The following KANSL1 variants were observed in gnomAD, a reference collection of about 807,000 sequenced individuals.
KANSL1 encodes MLL1/MLL complex subunit KANSL1.
In KANSL1, 22 loss-of-function variants were observed where a neutral mutation model predicts 103.6. The ratio of observed to expected loss-of-function variants is 0.21; its 90% CI spans 0.15 to 0.30. The LOEUF (loss-of-function observed/expected upper bound fraction) is 0.30. Ranked by LOEUF, KANSL1 falls within the 10% of genes least tolerant of loss-of-function variation. KANSL1 has a pLI of 1.00. For synonymous variants in KANSL1, 600 were observed against 527.6 expected, an observed-to-expected ratio of 1.14 and a Z score of -1.88; for missense variants, 1,337 against 1,399.8, an observed-to-expected ratio of 0.96 and a Z score of 0.72.
intron 2 of KANSL1, among the ~76,000 whole-genome samples, chr17:46,107,617 T>A (rs910641765): frequency 6.6e-6 from 1 of 152,240 alleles, no homozygotes; most frequent in African/African-American, 2.4e-5. Context: ...CCCAAACTCA[T>A]GGCTTTAAGT....
intron 2 of KANSL1, among the ~76,000 whole-genome samples, chr17:46,165,906 A>G (rs1268432682): frequency 6.6e-6 from 1 of 152,180 alleles, no homozygotes; most frequent in East Asian, 1.9e-4. Context: ...ATAAACTCCA[A>G]GAGGATAAAA....
intron 1 of KANSL1, among the ~76,000 whole-genome samples, chr17:46,181,562 T>C (rs561889644): frequency 6.6e-6 from 1 of 152,308 alleles, no homozygotes; most frequent in East Asian, 1.9e-4. Context: ...CCCGAGCAGC[T>C]GGGATTACCG....
Position 46,082,460 on chromosome 17 carries a change from T to C in KANSL1, c.1514A>G (p.Asp505Gly). 2 of 1,609,916 alleles carry C rather than the reference T, an allele frequency of 1.2e-6. No homozygotes were observed. The highest frequency in any genetic ancestry group is 1.7e-6 in the Non-Finnish European group (2 of 1,176,336). ...ACTTACCAATTTATCAGTCCCATGA[T>C]CTGTCTTCACCTCAGAACTAAGTGG... ...FLPLSSEVKT[D>G]HGTDKLIESV... is the part of the protein sequence containing the mutation. The change falls in exon 4 of 15, where the codon GAT becomes GGT. Residue 505 changes from aspartate (D) to glycine (G), a missense_variant. By Grantham distance (94) the Asp-to-Gly change is moderately conservative (BLOSUM62 -1). This residue lies in a region of KANSL1 where 780 missense variants were observed against 923.4 expected (regional missense o/e 0.84). Coordinates refer to ENST00000432791, the MANE Select transcript of KANSL1 (RefSeq NM_015443.4).
intron 4 of KANSL1, among the ~76,000 whole-genome samples, chr17:46,070,280 T>G (rs1161938235): frequency 2.0e-5 from 3 of 152,178 alleles, no homozygotes; most frequent in Non-Finnish European, 4.4e-5. Flanking sequence ...TAAAGGATAT[T>G]TCTTCTCTTA....
chr17:46,177,510 C>T (rs1024542835), intron 1 of KANSL1, among the ~76,000 whole-genome samples: 3 of 152,112 alleles, frequency 2.0e-5, no homozygotes, highest in Admixed American at 6.5e-5. Flanking sequence ...CTGTGCAACC[C>T]TAAGTGTGGC....
intron 2 of KANSL1, among the ~76,000 whole-genome samples, chr17:46,164,110 ATC>A (rs1371373111): frequency 1.3e-5 from 2 of 152,186 alleles, no homozygotes; most frequent in Admixed American, 6.5e-5. Flanking sequence ...TAGCTTATTC[ATC>A]TGTTATCTCT....
intron 1 of KANSL1, among the ~76,000 whole-genome samples, chr17:46,178,290 T>C (rs1419023511): frequency 6.6e-6 from 1 of 152,222 alleles, no homozygotes; most frequent in Non-Finnish European, 1.5e-5. Context: ...CAACAGCCTA[T>C]CTGATAAATC....
chr17:46,146,485 A>C (rs2044706817), intron 2 of KANSL1, among the ~76,000 whole-genome samples: 1 of 152,202 alleles, frequency 6.6e-6, no homozygotes, highest in African/African-American at 2.4e-5. Flanking sequence ...TGCTCCTGCA[A>C]GGTAGGGCTA....
intron 9 of KANSL1, 167 bp downstream of exon 9, chr17:46,038,860 T>C (rs2077228112): frequency 9.0e-7 from 1 of 1,117,182 alleles, no homozygotes; most frequent in South Asian, 1.5e-5. Context: ...CAGAGGTTGC[T>C]GTAGCAGTTA....
intron 1 of KANSL1, among the ~76,000 whole-genome samples, chr17:46,214,620 C>A (rs1280062573): frequency 1.3e-5 from 2 of 152,188 alleles, no homozygotes; most frequent in African/African-American, 4.8e-5. Context: ...CGCCGTTGCG[C>A]TCCAGCCTGG....
intron 5 of KANSL1, 126 bp from the exon 6 acceptor site, chr17:46,066,858 CAAA>C (rs1481391582): frequency 1.5e-6 from 1 of 671,266 alleles, no homozygotes; most frequent in African/African-American, 1.8e-5. Context: ...TGTTCAGACA[CAAA>C]GAAGCATTCT....
At chr17:46,195,671 G>C (rs1352883968), upstream of KANSL1, among the ~76,000 whole-genome samples, 19 of 152,178 alleles carry the variant, frequency 1.2e-4, no homozygotes, top group Admixed American at 1.2e-3. Flanking sequence ...TCCTACCTCA[G>C]CCTCTTGAGT....
intron 3 of KANSL1, among the ~76,000 whole-genome samples, chr17:46,086,204 G>C (rs1318457047): frequency 6.6e-6 from 1 of 152,082 alleles, no homozygotes; most frequent in East Asian, 1.9e-4. Context: ...TTTCCAAAGG[G>C]AAGAATTTTT....
At chr17:46,203,988 C>G (rs2047886438) in intron 1 of KANSL1, among the ~76,000 whole-genome samples, 1 of 151,830 alleles carries the variant, frequency 6.6e-6, no homozygotes, top group Non-Finnish European at 1.5e-5. Flanking sequence ...CTAGTCTGGA[C>G]AAATAGCAAG....
intron 2 of KANSL1, among the ~76,000 whole-genome samples, chr17:46,114,187 C>G (rs62061846): frequency 2.6e-5 from 4 of 152,120 alleles, no homozygotes; most frequent in African/African-American, 9.7e-5. Context: ...GGTGAAACCC[C>G]GTCTCTACTA....
intron 4 of KANSL1, 137 bp from the exon 5 acceptor site, chr17:46,067,804 GA>G: frequency 3.3e-6 from 2 of 599,182 alleles, no homozygotes; most frequent in South Asian, 2.0e-5. Flanking sequence ...AATGACTGAA[GA>G]AAAAGAAAAT....
At position 46,030,338 on chromosome 17, in the gene KANSL1, G is replaced by A. The variant is rs1034695431; in HGVS notation, c.*1138C>T. ...GTGAAAAAACCCCAACCATTAAGCA[G>A]TTGTCTACTATTTTTATACGATTAC... On this transcript the variant is annotated 3_prime_UTR_variant, in exon 15 of 15. Transcript: ENST00000432791. 1 of 151,438 alleles carries A rather than the reference G, an allele frequency of 6.6e-6. No individual in the cohort carries two copies. Among genetic ancestry groups the A allele is most frequent in the Non-Finnish European group, 1.5e-5 (1 of 67,914 alleles). 9.4% of individuals were successfully genotyped at this position (151,438 alleles called of 1,614,324 possible).
intron 6 of KANSL1, among the ~76,000 whole-genome samples, chr17:46,062,116 AAC>A (rs1180096052): frequency 5.4e-4 from 35 of 64,810 alleles, no homozygotes; most frequent in South Asian, 1.8e-3. Flanking sequence ...AAAACAAACA[AAC>A]AAAAAAAAAA....
chr17:46,100,577 A>G (rs141983915), intron 2 of KANSL1, among the ~76,000 whole-genome samples: 7 of 152,336 alleles, frequency 4.6e-5, no homozygotes, highest in African/African-American at 1.7e-4. Flanking sequence ...TTAGTTCTTT[A>G]AAGTTATTAA....
Sources: gnomAD v4.1 joint callset for allele counts (sites outside exome capture counted in the v4.1 genomes callset) on GRCh38, gnomAD v4.1.1 for gene constraint, gnomAD v4.1.1 regional missense constraint, MANE v1.5 for transcripts, NCBI Gene and HGNC (gene_info 2026-07-23, HGNC 2026-07-21) for gene names.